KCNQ1: variants seen among roughly 807,000 people sequenced by gnomAD.
The protein encoded by KCNQ1 is potassium voltage-gated channel subfamily Q member 1, also known as potassium voltage-gated channel subfamily KQT member 1.
KCNQ1 carries 49 observed loss-of-function variants against 72.4 expected under a neutral mutation model. That is an observed-to-expected ratio of 0.68 (90% CI 0.54 to 0.86). The LOEUF is 0.86. Among genes scored for constraint, KCNQ1 ranks in the 40% least tolerant of loss-of-function variants. KCNQ1 has a pLI of 0.00. For missense variants in KCNQ1, 790 were observed against 945.1 expected, an observed-to-expected ratio of 0.84 and a Z score of 2.15; for synonymous variants, 450 against 412.6, an observed-to-expected ratio of 1.09 and a Z score of -1.10.
chr11:2,463,013 G>A lies in KCNQ1; in HGVS notation c.386+17529G>A, dbSNP rs1025985364. On this transcript the variant is annotated intron_variant, in intron 1 of 15. Coordinates refer to ENST00000155840, the MANE Select transcript of KCNQ1 (RefSeq NM_000218.3). This position sits in a 1 kb window ranked among gnomAD's most constrained non-coding sequence, Gnocchi z 7.0. ...CCCCTGAACTGGTAAGCGGGGCAGC[G>A]GCGGCAGGGGGCCCAGGGAAGTGGG... Among the ~76,000 whole-genome samples, 2 of 152,156 alleles carry A rather than the reference G, an allele frequency of 1.3e-5. No individual in the cohort carries two copies. The highest frequency in any genetic ancestry group is 1.9e-4 in the East Asian group (1 of 5,190).
rs1430801279 is a variant in KCNQ1 at position 2,750,125 on chromosome 11, C to G, written c.1515-18719C>G. 6.6e-6 allele frequency among the ~76,000 whole-genome samples: 1 copy of G among 152,164 alleles called. No individual in the cohort carries two copies. Among genetic ancestry groups the G allele is most frequent in the African/African-American group, 2.4e-5 (1 of 41,430 alleles). ...GCTGGTGAAGCTGGGGAGAGACCTGCGCAACCCCACCTGAGTGAGGCACTG... is the reference window on the plus strand; with the variant it reads ...GCTGGTGAAGCTGGGGAGAGACCTGGGCAACCCCACCTGAGTGAGGCACTG... On this transcript the variant is annotated intron_variant, in intron 11 of 15. Coordinates refer to ENST00000155840, the MANE Select transcript of KCNQ1 (RefSeq NM_000218.3). This position sits in a 1 kb window ranked among gnomAD's most constrained non-coding sequence, Gnocchi z 6.3.
chr11:2,482,480 T>C lies in KCNQ1; in HGVS notation c.386+36996T>C, dbSNP rs1275898001. On this transcript the variant is annotated intron_variant, in intron 1 of 15. Transcript: ENST00000155840. The surrounding 1 kb of genome is among the most constrained non-coding windows in gnomAD (Gnocchi z 5.7). ...AAATCCTTGTACACTCATTTTTGCC[T>C]GGAACTCAAGATTATTTCCTTGGGT... Among the ~76,000 whole-genome samples the C allele has an allele frequency of 1.3e-5, 2 of 152,208 alleles. No individual in the cohort carries two copies. Among genetic ancestry groups the C allele is most frequent in the African/African-American group, 4.8e-5 (2 of 41,446 alleles).
intron 15 of KCNQ1, among the ~76,000 whole-genome samples, chr11:2,825,819 G>A (rs1847826944): frequency 6.6e-6 from 1 of 152,186 alleles, no homozygotes; most frequent in African/African-American, 2.4e-5. Flanking sequence ...TCCACGCCAG[G>A]GACTGGGGCA....
At chr11:2,786,140 ACT>A (rs1450162151) in intron 15 of KCNQ1, among the ~76,000 whole-genome samples, 3 of 151,700 alleles carry the variant, frequency 2.0e-5, no homozygotes, top group East Asian at 1.9e-4. Flanking sequence ...TCAGTGAAAA[ACT>A]CTCAGATTTT....
In KCNQ1 at chr11:2,481,770, T is replaced by C. The variant is rs1179687566; in HGVS notation, c.386+36286T>C. On this transcript the variant is annotated intron_variant, in intron 1 of 15. Coordinates refer to ENST00000155840, the MANE Select transcript of KCNQ1 (RefSeq NM_000218.3). This position sits in a 1 kb window ranked among gnomAD's most constrained non-coding sequence, Gnocchi z 4.6. ...AATCTAATGCCTGATGATCTGTCACTGTCTCCCATCACCCCCAGATGGGAC... is the reference window on the plus strand; with the variant it reads ...AATCTAATGCCTGATGATCTGTCACCGTCTCCCATCACCCCCAGATGGGAC... Among the ~76,000 whole-genome samples the C allele has an allele frequency of 6.6e-6, 1 of 152,220 alleles. No individual in the cohort carries two copies.
At chr11:2,660,802 C>CATTTATTA (rs1337881082) in intron 10 of KCNQ1, 1 of 398,606 alleles carries the variant, frequency 2.5e-6, no homozygotes, top group Non-Finnish European at 4.4e-6. Flanking sequence ...AATCTAGCAA[C>CATTTATTA]ATTTATTAAA....
At chr11:2,847,456 C>T (rs1848352920) in intron 15 of KCNQ1, among the ~76,000 whole-genome samples, 1 of 152,242 alleles carries the variant, frequency 6.6e-6, no homozygotes, top group South Asian at 2.1e-4. Flanking sequence ...GCCGGCCAGC[C>T]TGGGGAGCAG....
rs965275126 is a variant in KCNQ1 at position 2,562,402 on chromosome 11, A to G, written c.478-8226A>G. ...CCTCCGGCCAGCTGACCCTCCCCGG[A>G]GCCGAGGCTGGCTCTCTCTGTGGCT... On this transcript the variant is annotated intron_variant, in intron 2 of 15. Transcript: ENST00000155840. This position sits in a 1 kb window ranked among gnomAD's most constrained non-coding sequence, Gnocchi z 7.5. 1.3e-5 allele frequency among the ~76,000 whole-genome samples: 2 copies of G among 151,916 alleles called. No homozygotes were observed. Among genetic ancestry groups the G allele is most frequent in the African/African-American group, 2.4e-5 (1 of 41,322 alleles).
intron 15 of KCNQ1, among the ~76,000 whole-genome samples, chr11:2,791,649 C>T (rs1384723701): frequency 6.6e-6 from 1 of 152,042 alleles, no homozygotes; most frequent in Non-Finnish European, 1.5e-5. Flanking sequence ...CGGGCCCTCC[C>T]CGTCAGGTGT....
At chr11:2,778,130 G>A in intron 15 of KCNQ1, 93 bp downstream of exon 15, 1 of 1,259,600 alleles carries the variant, frequency 7.9e-7, no homozygotes, top group Non-Finnish European at 1.1e-6. Context: ...TGAAGCTCCT[G>A]CAGGCCTCCC....
rs953947303 is a variant in KCNQ1 at position 2,509,629 on chromosome 11, T to C, written c.387-18299T>C. On this transcript the variant is annotated intron_variant, in intron 1 of 15. Transcript: ENST00000155840. The surrounding 1 kb of genome is among the most constrained non-coding windows in gnomAD (Gnocchi z 6.3). ...TCGTGGTCCCAGATGGCCACGGAGG[T>C]GTCAGCGTTTCACTCCCAGCACGTC... 6.6e-6 allele frequency among the ~76,000 whole-genome samples: 1 copy of C among 151,992 alleles called. No homozygotes were observed. The highest frequency in any genetic ancestry group is 1.5e-5 in the Non-Finnish European group (1 of 67,986).
At chr11:2,573,372 G>C (rs1000113943) in intron 6 of KCNQ1, among the ~76,000 whole-genome samples, 5 of 152,180 alleles carry the variant, frequency 3.3e-5, no homozygotes, top group African/African-American at 9.7e-5. Flanking sequence ...GGCCCAAGGA[G>C]AGCGGCGTCA....
In KCNQ1 at chr11:2,663,247, A is replaced by T. The variant is rs999316190; in HGVS notation, c.1514+1166A>T. 1 of 398,728 alleles carries T rather than the reference A, an allele frequency of 2.5e-6. No homozygotes were observed. Among genetic ancestry groups the T allele is most frequent in the African/African-American group, 2.1e-5 (1 of 48,760 alleles). 24.7% of individuals were successfully genotyped at this position (398,728 alleles called of 1,614,324 possible). On this transcript the variant is annotated intron_variant, in intron 11 of 15. Coordinates refer to ENST00000155840, the MANE Select transcript of KCNQ1 (RefSeq NM_000218.3). This position sits in a 1 kb window ranked among gnomAD's most constrained non-coding sequence, Gnocchi z 5.2. ...GGGAGCCAGCAGATCACTGGAAAGC[A>T]GGGGTGACTAGTCATGGACACCCTG...
intron 2 of KCNQ1, among the ~76,000 whole-genome samples, chr11:2,534,940 G>A (rs1847704639): frequency 6.6e-6 from 1 of 152,236 alleles, no homozygotes; most frequent in South Asian, 2.1e-4. Flanking sequence ...GCAGGGCCCT[G>A]TGTATGTGCG....
At chr11:2,521,319 C>T (rs544607626) in intron 1 of KCNQ1, among the ~76,000 whole-genome samples, 9 of 152,280 alleles carry the variant, frequency 5.9e-5, no homozygotes, top group African/African-American at 1.7e-4. Context: ...CGCTTCCCTG[C>T]GACGGTGGAT....
chr11:2,470,479 C>T (rs58770749), intron 1 of KCNQ1, among the ~76,000 whole-genome samples: 4,461 of 152,182 alleles, frequency 0.029, 236 homozygotes, highest in African/African-American at 0.1. Context: ...AAGAACATCT[C>T]GTTATCTCGT....
rs1189517210 is a variant in KCNQ1 at position 2,847,890 on chromosome 11, C to T, written c.1918C>T (p.Gln640Ter). The stretch of plus-strand genomic sequence containing the variant: ...CAGAGAGGGCGGGGCCCACATCACC[C>T]AGCCCTGCGGCAGTGGCGGCTCCGT... ...PPREGGAHIT[Q>*]PCGSGGSVDP... The change falls in exon 16 of 16, where the codon CAG becomes TAG. Residue 640 changes from glutamine (Q) to a stop codon, truncating the protein, a stop_gained. Transcript: ENST00000155840. LOFTEE classifies it high-confidence loss of function. The T allele has an allele frequency of 6.3e-7, 1 of 1,583,470 alleles. No individual in the cohort carries two copies.
chr11:2,543,549 C>A lies in KCNQ1; in HGVS notation c.477+15531C>A, dbSNP rs1314344609. ...TCGGCCTCCCAAAGCGCTGGAATTA[C>A]AGGTGTGAGCCACTGCTCCAGGCCC... On this transcript the variant is annotated intron_variant, in intron 2 of 15. Coordinates refer to ENST00000155840, the MANE Select transcript of KCNQ1 (RefSeq NM_000218.3). This position sits in a 1 kb window ranked among gnomAD's most constrained non-coding sequence, Gnocchi z 5.6. Among the ~76,000 whole-genome samples the A allele has an allele frequency of 6.6e-6, 1 of 152,232 alleles. No homozygotes were observed. Among genetic ancestry groups the A allele is most frequent in the East Asian group, 1.9e-4 (1 of 5,198 alleles).
intron 1 of KCNQ1, among the ~76,000 whole-genome samples, chr11:2,459,099 T>TG (rs1156547295): frequency 4.6e-5 from 7 of 152,214 alleles, no homozygotes; most frequent in Non-Finnish European, 5.9e-5. Flanking sequence ...AGGGGCTTTA[T>TG]GGGGCTCTGG....
Sources: gnomAD v4.1 joint callset for allele counts (sites outside exome capture counted in the v4.1 genomes callset) on GRCh38, gnomAD v4.1.1 for gene constraint, Gnocchi (gnomAD v3.1) non-coding constraint, MANE v1.5 for transcripts, NCBI Gene and HGNC (gene_info 2026-07-23, HGNC 2026-07-21) for gene names.